SCNN1G: variants seen among roughly 807,000 people sequenced by gnomAD.
The protein encoded by SCNN1G is sodium channel epithelial 1 subunit gamma.
A neutral mutation model predicts 64.6 loss-of-function variants in SCNN1G; 27 were observed. That is an observed-to-expected ratio of 0.42 (90% CI 0.31 to 0.58). SCNN1G has a LOEUF of 0.58. Among genes scored for constraint, SCNN1G ranks in the 20% least tolerant of loss-of-function variants. The probability of loss-of-function intolerance (pLI) is 0.18; values close to 1 mark genes in which losing one functional copy is unlikely to be tolerated. For missense variants in SCNN1G, 743 were observed against 823.4 expected, an observed-to-expected ratio of 0.90 and a Z score of 1.19; for synonymous variants, 330 against 314.2, an observed-to-expected ratio of 1.05 and a Z score of -0.53.
intron 5 of SCNN1G, among the ~76,000 whole-genome samples, chr16:23,196,202 G>A (rs899306122): frequency 6.6e-6 from 1 of 152,178 alleles, no homozygotes; most frequent in Non-Finnish European, 1.5e-5. Flanking sequence ...TAAGAGGAGG[G>A]CTATTTAAGG....
chr16:23,209,599 G>A (rs1960046153), intron 6 of SCNN1G, 151 bp from the exon 7 acceptor site: 2 of 684,112 alleles, frequency 2.9e-6, no homozygotes, highest in Non-Finnish European at 5.3e-6. Context: ...GCACCTAATA[G>A]GTTCTCACTA....
intron 6 of SCNN1G, 75 bp downstream of exon 6, chr16:23,197,502 C>T: frequency 7.5e-7 from 1 of 1,333,194 alleles, no homozygotes; most frequent in Admixed American, 1.7e-5. Context: ...CAATGGGGTG[C>T]AGCTTATGGA....
intron 5 of SCNN1G, chr16:23,194,794 A>G (rs1209469789): frequency 5.6e-6 from 1 of 178,268 alleles, no homozygotes; most frequent in Non-Finnish European, 1.2e-5. Context: ...AGGACTTAAG[A>G]TACAGACTTA....
At chr16:23,191,798 TG>T (rs1278328214) in intron 3 of SCNN1G, among the ~76,000 whole-genome samples, 1 of 152,224 alleles carries the variant, frequency 6.6e-6, no homozygotes, top group Non-Finnish European at 1.5e-5. Flanking sequence ...GAATGTATAA[TG>T]GCTTCTCTAT....
chr16:23,215,254 C>A lies in SCNN1G; in HGVS notation c.1735C>A (p.Pro579Thr). ...GGAGTGGTGGGCCTGGAAACAGGCT[C>A]CCCCATGTCCAGAAGCTCCCCGTAG... ...AKEWWAWKQAPPCPEAPRSPQ... is the reference protein window; with the variant it reads ...AKEWWAWKQATPCPEAPRSPQ... Residue 579 changes from proline to threonine, a missense_variant, in exon 13 of 13, where the codon CCC becomes ACC. Physicochemically the swap from Pro to Thr is conservative, Grantham distance 38. Coordinates refer to ENST00000300061, the MANE Select transcript of SCNN1G (RefSeq NM_001039.4). 6.2e-7 allele frequency: 1 copy of A among 1,614,128 alleles called. No individual in the cohort carries two copies. Among genetic ancestry groups the A allele is most frequent in the Non-Finnish European group, 8.5e-7 (1 of 1,180,020 alleles).
At chr16:23,211,579 G>A (rs577565104) in intron 7 of SCNN1G, among the ~76,000 whole-genome samples, 1 of 152,314 alleles carries the variant, frequency 6.6e-6, no homozygotes, top group South Asian at 2.1e-4. Context: ...GAAAGCCAAG[G>A]TGGGAGGATC....
At position 23,186,224 on chromosome 16, in the gene SCNN1G, C is replaced by G. The variant is rs5731; in HGVS notation, c.-44-4C>G. Reference sequence around the variant, plus strand: ...TCACCTGCTTCTCTTCTTTGCCCCTCCAGCACGCCCGTCCTCAGAGTCCCG... The same window carrying G: ...TCACCTGCTTCTCTTCTTTGCCCCTGCAGCACGCCCGTCCTCAGAGTCCCG... On this transcript the variant is annotated splice_region_variant and splice_polypyrimidine_tract_variant and intron_variant, in intron 1 of 12. Coordinates refer to ENST00000300061, the MANE Select transcript of SCNN1G (RefSeq NM_001039.4). 0.23 allele frequency: 367,172 copies of G among 1,593,792 alleles called. 44,130 individuals are homozygous for G. The highest frequency in any genetic ancestry group is 0.37 in the Admixed American group (21,958 of 59,680).
chr16:23,199,464 T>C (rs984530033), intron 6 of SCNN1G, among the ~76,000 whole-genome samples: 1 of 152,086 alleles, frequency 6.6e-6, no homozygotes, highest in Non-Finnish European at 1.5e-5. Context: ...AAACAGGACA[T>C]GTGTTTGCCA....
At chr16:23,206,120 A>G (rs1203973481) in intron 6 of SCNN1G, among the ~76,000 whole-genome samples, 2 of 151,440 alleles carry the variant, frequency 1.3e-5, no homozygotes, top group Non-Finnish European at 2.9e-5. Flanking sequence ...CAGGGTGCAG[A>G]CAGAACAGAA....
intron 6 of SCNN1G, among the ~76,000 whole-genome samples, chr16:23,206,795 G>C (rs1025985164): frequency 6.6e-6 from 1 of 152,050 alleles, no homozygotes; most frequent in Non-Finnish European, 1.5e-5. Context: ...ACCTATGTGT[G>C]CACACACATA....
At chr16:23,191,601 T>G (rs1251914358) in intron 3 of SCNN1G, among the ~76,000 whole-genome samples, 1 of 152,166 alleles carries the variant, frequency 6.6e-6, no homozygotes, top group African/African-American at 2.4e-5. Context: ...AATTTTTCTA[T>G]TTTTTATGGA....
Position 23,189,529 on chromosome 16 carries a change from C to A in SCNN1G, c.476C>A (p.Pro159Gln). ...GKQPRFSHRI[P>Q]LLIFDQDEKG... ...CAGCCTAGATTCTCCCACCGGATTCCGCTGCTGATCTTTGATCAGGATGAG... is the reference window on the plus strand; with the variant it reads ...CAGCCTAGATTCTCCCACCGGATTCAGCTGCTGATCTTTGATCAGGATGAG... The change falls in exon 3 of 13, where the codon CCG becomes CAG. Residue 159 changes from proline to glutamine, a missense_variant. Pro to Gln is a moderately conservative substitution (Grantham distance 76, BLOSUM62 -1). Coordinates refer to ENST00000300061, the MANE Select transcript of SCNN1G (RefSeq NM_001039.4). The A allele has an allele frequency of 1.2e-6, 2 of 1,614,220 alleles. No homozygotes were observed. Among genetic ancestry groups the A allele is most frequent in the Admixed American group, 1.7e-5 (1 of 60,018 alleles).
intron 11 of SCNN1G, among the ~76,000 whole-genome samples, chr16:23,214,122 T>G (rs1428547311): frequency 2.0e-5 from 3 of 152,214 alleles, no homozygotes; most frequent in Admixed American, 2.0e-4. Context: ...CTAAATGAGT[T>G]GGAGTACTGG....
chr16:23,210,466 G>C (rs1960062163), intron 7 of SCNN1G, among the ~76,000 whole-genome samples: 1 of 152,136 alleles, frequency 6.6e-6, no homozygotes, highest in African/African-American at 2.4e-5. Flanking sequence ...AAATGAAGCA[G>C]GTGTTCTCTG....
chr16:23,207,474 C>CCCAGCCCTCCCACA (rs1960008897), intron 6 of SCNN1G, among the ~76,000 whole-genome samples: 1 of 152,226 alleles, frequency 6.6e-6, no homozygotes, highest in Admixed American at 6.5e-5. Context: ...CTGTGCCCAG[C>CCCAGCCCTCCCACA]CCAGCCCTGG....
At chr16:23,197,538 C>T (rs1959815901) in intron 6 of SCNN1G, 111 bp downstream of exon 6, 5 of 970,146 alleles carry the variant, frequency 5.2e-6, no homozygotes, top group East Asian at 2.4e-5. Context: ...CAAAAGGGAA[C>T]ATGGTCCCAG....
intron 3 of SCNN1G, among the ~76,000 whole-genome samples, chr16:23,192,032 G>A (rs930597249): frequency 2.0e-5 from 3 of 152,146 alleles, no homozygotes; most frequent in Admixed American, 6.6e-5. Flanking sequence ...TGTTAGGAAC[G>A]TAGTAGCATC....
At chr16:23,190,494 G>A (rs1182488672) in intron 3 of SCNN1G, among the ~76,000 whole-genome samples, 1 of 152,200 alleles carries the variant, frequency 6.6e-6, no homozygotes, top group East Asian at 1.9e-4. Context: ...AGTCATTTCA[G>A]ATATTGCTGC....
intron 6 of SCNN1G, among the ~76,000 whole-genome samples, chr16:23,199,797 G>A (rs541191624): frequency 4.0e-5 from 6 of 148,206 alleles, no homozygotes; most frequent in South Asian, 2.2e-4. Flanking sequence ...TCAGCCTCCC[G>A]AGTAGCTGGG....
Sources: allele counts gnomAD v4.1 joint callset (sites outside exome capture counted in the v4.1 genomes callset), GRCh38; gene constraint gnomAD v4.1.1; transcripts MANE v1.5; gene names NCBI Gene and HGNC (gene_info 2026-07-23, HGNC 2026-07-21).